ITGA8: variants seen among roughly 807,000 people sequenced by gnomAD.
ITGA8 encodes integrin alpha-8.
Under a neutral mutation model 142.3 loss-of-function variants are expected in ITGA8, and 91 were observed. The observed-to-expected ratio is 0.64, with a 90% CI of 0.54 to 0.76. ITGA8 has a LOEUF of 0.76. ITGA8 is among the 30% of genes least tolerant of loss of function. ITGA8 has a pLI of 0.00. For missense variants in ITGA8, 1,406 were observed against 1,327.7 expected (o/e 1.06, Z -0.92); for synonymous variants, 505 against 485.2 (o/e 1.04, Z -0.54).
chr10:15,688,753 G>C (rs1217236747), intron 2 of ITGA8, among the ~76,000 whole-genome samples: 8 of 152,122 alleles, frequency 5.3e-5, no homozygotes, highest in Non-Finnish European at 7.3e-5. Context: ...AAAACCATAT[G>C]ATCATCTTAA....
chr10:15,565,346 C>A (rs1419716625), intron 25 of ITGA8, among the ~76,000 whole-genome samples: 1 of 151,736 alleles, frequency 6.6e-6, no homozygotes, highest in Non-Finnish European at 1.5e-5. Flanking sequence ...AAATAATAAA[C>A]AGCTAAGTTC....
At chr10:15,532,431 A>AAAAAAAAAAAAAAG (rs1833326659) in intron 27 of ITGA8, among the ~76,000 whole-genome samples, 1 of 139,064 alleles carries the variant, frequency 7.2e-6, no homozygotes, top group African/African-American at 2.7e-5. Flanking sequence ...AAAAAAAAAA[A>AAAAAAAAAAAAAAG]AAAAAAAAAA....
intron 21 of ITGA8, among the ~76,000 whole-genome samples, chr10:15,595,100 C>A (rs1016057124): frequency 2.0e-5 from 3 of 152,136 alleles, no homozygotes. Context: ...ATGTAAACAT[C>A]TTATATTACT....
intron 24 of ITGA8, among the ~76,000 whole-genome samples, chr10:15,572,850 A>G (rs1178397538): frequency 6.6e-6 from 1 of 152,180 alleles, no homozygotes; most frequent in Non-Finnish European, 1.5e-5. Context: ...AGGCGGGCCC[A>G]TGATCACCAC....
intron 27 of ITGA8, among the ~76,000 whole-genome samples, chr10:15,538,697 T>C (rs1275248170): frequency 6.6e-6 from 1 of 151,994 alleles, no homozygotes; most frequent in African/African-American, 2.4e-5. Context: ...ATTGTTAAGG[T>C]GTTAAAATGA....
chr10:15,664,683 C>G (rs1357159144), intron 8 of ITGA8, among the ~76,000 whole-genome samples: 1 of 137,818 alleles, frequency 7.3e-6, no homozygotes, highest in Non-Finnish European at 1.5e-5. Context: ...CAACCCACAA[C>G]AGTCCCCAGT....
At chr10:15,702,580 C>T (rs571820142) in intron 2 of ITGA8, among the ~76,000 whole-genome samples, 37 of 152,190 alleles carry the variant, frequency 2.4e-4, no homozygotes, top group African/African-American at 7.9e-4. Context: ...CGTGAGCCAC[C>T]GCGCGTGGCC....
intron 2 of ITGA8, among the ~76,000 whole-genome samples, chr10:15,711,371 C>T (rs1835360989): frequency 6.6e-6 from 1 of 152,134 alleles, no homozygotes; most frequent in African/African-American, 2.4e-5. Flanking sequence ...CTCCCATAGC[C>T]TAAGAGCTTA....
At chr10:15,560,508 T>G (rs1363631404) in intron 25 of ITGA8, among the ~76,000 whole-genome samples, 1 of 152,110 alleles carries the variant, frequency 6.6e-6, no homozygotes, top group African/African-American at 2.4e-5. Flanking sequence ...TGAAAACAAA[T>G]ATTGATGTTT....
At chr10:15,633,567 G>A (rs755625976) in intron 13 of ITGA8, among the ~76,000 whole-genome samples, 2 of 151,974 alleles carry the variant, frequency 1.3e-5, no homozygotes, top group South Asian at 2.1e-4. Context: ...TGACAGGTGC[G>A]CACCTCCACA....
chr10:15,617,435 A>G (rs1005313465), intron 13 of ITGA8, among the ~76,000 whole-genome samples: 1 of 150,900 alleles, frequency 6.6e-6, no homozygotes, highest in South Asian at 2.1e-4. Context: ...GTCTCGCTCC[A>G]TCGCCTAGGC....
chr10:15,581,631 C>T (rs150848539), intron 23 of ITGA8, among the ~76,000 whole-genome samples: 309 of 152,168 alleles, frequency 2.0e-3, no homozygotes, highest in African/African-American at 7.3e-3. Flanking sequence ...TTTACATATG[C>T]AGATGGGAAA....
chr10:15,623,084 A>G (rs1833522510), intron 13 of ITGA8, among the ~76,000 whole-genome samples: 1 of 152,206 alleles, frequency 6.6e-6, no homozygotes, highest in Non-Finnish European at 1.5e-5. Flanking sequence ...TTCTACTTCT[A>G]GGAATTTATC....
chr10:15,669,205 G>A (rs1466267454), intron 8 of ITGA8, among the ~76,000 whole-genome samples: 1 of 152,118 alleles, frequency 6.6e-6, no homozygotes, highest in Non-Finnish European at 1.5e-5. Flanking sequence ...TTTCTTGGAG[G>A]CTTTGTTCAT....
chr10:15,659,037 T>C lies in ITGA8; in HGVS notation c.910A>G (p.Thr304Ala), dbSNP rs1328926369. The C allele has an allele frequency of 1.2e-6, 2 of 1,606,924 alleles. No individual in the cohort carries two copies. The highest frequency in any genetic ancestry group is 3.4e-5 in the Admixed American group (2 of 59,212). The change falls in exon 10 of 30, where the codon ACG becomes GCG. Residue 304 changes from threonine to alanine, a missense_variant. Coordinates refer to ENST00000378076, the MANE Select transcript of ITGA8 (RefSeq NM_003638.3). ...NFGYVSIINS[T>A]DMTFIQNFTG... The stretch of plus-strand genomic sequence containing the variant: ...AAATTCTGAATAAACGTCATATCCG[T>C]AGAGTTAATGATGGAAACCTGAAAT...
intron 25 of ITGA8, among the ~76,000 whole-genome samples, chr10:15,568,967 G>T (rs1690409636): frequency 6.6e-6 from 1 of 152,158 alleles, no homozygotes; most frequent in Non-Finnish European, 1.5e-5. Context: ...TAGTGGCAAT[G>T]GATCCCTGGA....
At chr10:15,600,236 A>C (rs369262461) in intron 20 of ITGA8, among the ~76,000 whole-genome samples, 13 of 152,268 alleles carry the variant, frequency 8.5e-5, no homozygotes, top group African/African-American at 2.9e-4. Context: ...CATTAGGTAT[A>C]TCTCCTAATG....
intron 3 of ITGA8, among the ~76,000 whole-genome samples, chr10:15,684,717 GAAATT>G (rs1834804737): frequency 6.6e-6 from 1 of 151,844 alleles, no homozygotes; most frequent in Admixed American, 6.6e-5. Context: ...GAAGCAAGCA[GAAATT>G]AATTCCTAAA....
At chr10:15,518,721 C>T (rs1588620593) in intron 29 of ITGA8, among the ~76,000 whole-genome samples, 2 of 152,246 alleles carry the variant, frequency 1.3e-5, no homozygotes, top group East Asian at 3.9e-4. Flanking sequence ...CAGTAAAACA[C>T]ATCAAAGACT....
Sources: gnomAD v4.1 joint callset for allele counts (sites outside exome capture counted in the v4.1 genomes callset) on GRCh38, gnomAD v4.1.1 for gene constraint, MANE v1.5 for transcripts, NCBI Gene and HGNC (gene_info 2026-07-23, HGNC 2026-07-21) for gene names.